Variants in LRBA observed in about 807,000 individuals in gnomAD.
LRBA encodes LPS responsive beige-like anchor protein, also known as lipopolysaccharide-responsive and beige-like anchor protein.
A neutral mutation model predicts 330.0 loss-of-function variants in LRBA; 176 were observed. The ratio of observed to expected loss-of-function variants is 0.53; its 90% confidence interval spans 0.47 to 0.60. The LOEUF is 0.60. Ranked by LOEUF, LRBA falls within the 20% of genes least tolerant of loss-of-function variation. The pLI is 0.00. For missense variants in LRBA, 3,259 were observed against 3,444.8 expected, an observed-to-expected ratio of 0.95 and a Z score of 1.35; for synonymous variants, 1,230 against 1,193.0, an observed-to-expected ratio of 1.03 and a Z score of -0.64.
rs1208533383 is a variant in LRBA at position 150,719,380 on chromosome 4, A to G, written c.5754+15878T>C. Among the ~76,000 whole-genome samples, 3 of 152,118 alleles carry G rather than the reference A, an allele frequency of 2.0e-5. No individual in the cohort carries two copies. In the East Asian group the frequency reaches 5.8e-4, roughly 29 times the overall value. On this transcript the variant is annotated intron_variant, in intron 36 of 56. Coordinates refer to ENST00000651943, the MANE Select transcript of LRBA (RefSeq NM_001364905.1). Reference sequence around the variant, plus strand: ...TAGTTACAACAAAGAAAGCATCTCCATAATTAATTAGAAAGTACACTAAGA... The same window carrying G: ...TAGTTACAACAAAGAAAGCATCTCCGTAATTAATTAGAAAGTACACTAAGA...
chr4:150,694,913 C>CT (rs902076458), intron 36 of LRBA, among the ~76,000 whole-genome samples: 15 of 150,856 alleles, frequency 9.9e-5, no homozygotes, highest in Admixed American at 2.0e-4. Flanking sequence ...GTTTCAAATG[C>CT]TTTTTTTTTC....
chr4:150,321,443 GA>G lies in LRBA; in HGVS notation c.7453-76del. The G allele has an allele frequency of 7.9e-7, 1 of 1,265,494 alleles. No homozygotes were observed. The highest frequency in any genetic ancestry group is 1.1e-6 in the Non-Finnish European group (1 of 929,094). 78.4% of individuals were successfully genotyped at this position (1,265,494 alleles called of 1,614,324 possible). A position where few individuals can be genotyped will look rare whatever the true frequency, so the allele number is the denominator to read the frequency against. ...AGAAGGAAAAGATGAAGAAAGACAA[GA>G]AAGAGAGGGGGTGCAGGAAAAGAAG... On this transcript the variant is annotated intron_variant, in intron 49 of 56. Transcript: ENST00000651943. The surrounding 1 kb of genome is among the most constrained non-coding windows in gnomAD (Gnocchi z 4.5).
chr4:150,670,182 T>C (rs973059756), intron 37 of LRBA, among the ~76,000 whole-genome samples: 1 of 152,238 alleles, frequency 6.6e-6, no homozygotes, highest in Non-Finnish European at 1.5e-5. Context: ...CTAAACTGTA[T>C]TGTATTGTAC....
intron 34 of LRBA, among the ~76,000 whole-genome samples, chr4:150,766,077 T>C (rs996668640): frequency 1.4e-4 from 22 of 152,062 alleles, no homozygotes; most frequent in African/African-American, 4.6e-4. Flanking sequence ...TAGTAATACA[T>C]TATGCTTCTG....
rs1237654977 is a variant in LRBA, at chr4:150,530,573, GT to G, written c.6331-39539del. On this transcript the variant is annotated intron_variant, in intron 40 of 56. Coordinates refer to ENST00000651943, the MANE Select transcript of LRBA (RefSeq NM_001364905.1). ...ATAATTATGTGTTATATTTTGCACT[GT>G]TTCCAAAAGTTATCCTGTAGGATTA... Among the ~76,000 whole-genome samples, 12 of 152,274 alleles carry G rather than the reference GT, an allele frequency of 7.9e-5. No homozygotes were observed. In the East Asian group the frequency reaches 2.3e-3, roughly 29 times the overall value.
At chr4:150,421,555 T>C (rs1748802196) in intron 46 of LRBA, among the ~76,000 whole-genome samples, 1 of 152,136 alleles carries the variant, frequency 6.6e-6, no homozygotes, top group Non-Finnish European at 1.5e-5. Context: ...TTAGTTCTTA[T>C]TCTTTTTTTG....
At chr4:150,670,999 G>GAT (rs1381566947) in intron 37 of LRBA, among the ~76,000 whole-genome samples, 2 of 67,720 alleles carry the variant, frequency 3.0e-5, no homozygotes, top group Non-Finnish European at 5.9e-5. Context: ...CAACATAGCT[G>GAT]ATGTGTGTGT....
At chr4:150,789,849 T>C (rs565246961) in intron 34 of LRBA, among the ~76,000 whole-genome samples, 18 of 152,280 alleles carry the variant, frequency 1.2e-4, no homozygotes, top group African/African-American at 4.3e-4. Flanking sequence ...CTGATCTGTA[T>C]TCTTTTTTTT....
At chr4:150,618,511 T>C (rs576500533) in intron 37 of LRBA, among the ~76,000 whole-genome samples, 1 of 152,302 alleles carries the variant, frequency 6.6e-6, no homozygotes, top group East Asian at 1.9e-4. Context: ...AGCTCTTCTC[T>C]TTCAACTCCT....
At chr4:150,361,958 G>C (rs1425095705) in intron 47 of LRBA, among the ~76,000 whole-genome samples, 1 of 151,976 alleles carries the variant, frequency 6.6e-6, no homozygotes, top group Non-Finnish European at 1.5e-5. Context: ...TTTTTTAGTA[G>C]AGACGGGGTT....
In LRBA at chr4:150,326,669, A is replaced by G. The variant is rs529712747; in HGVS notation, c.7363-771T>C. Among the ~76,000 whole-genome samples the G allele has an allele frequency of 6.6e-5, 10 of 152,314 alleles. No homozygotes were observed. The East Asian group carries it at 1.4e-3, about 21-fold the overall frequency. ...CTGTAAGCATTGTGTTTACTTGTTT[A>G]TATCTGTTTCTTCCCAGTAAAATAC... On this transcript the variant is annotated intron_variant, in intron 48 of 56. Coordinates refer to ENST00000651943, the MANE Select transcript of LRBA (RefSeq NM_001364905.1).
At chr4:150,313,079 T>C (rs1731266634) in intron 51 of LRBA, among the ~76,000 whole-genome samples, 1 of 152,100 alleles carries the variant, frequency 6.6e-6, no homozygotes, top group African/African-American at 2.4e-5. Flanking sequence ...AAATTTAAAT[T>C]GAACACATAT....
At chr4:150,853,431 T>A (rs1750855733) in intron 22 of LRBA, among the ~76,000 whole-genome samples, 2 of 152,126 alleles carry the variant, frequency 1.3e-5, no homozygotes, top group Admixed American at 6.5e-5. Context: ...AAAACCATTA[T>A]CTCACTAAGC....
intron 37 of LRBA, among the ~76,000 whole-genome samples, chr4:150,639,373 GA>G (rs1428774639): frequency 0.031 from 2,476 of 79,306 alleles, 88 homozygotes; most frequent in African/African-American, 0.081. Context: ...AAAAAAAAAA[GA>G]AAAAAAAAAA....
intron 2 of LRBA, among the ~76,000 whole-genome samples, chr4:150,944,502 C>T (rs1226465441): frequency 6.6e-6 from 1 of 152,008 alleles, no homozygotes; most frequent in Non-Finnish European, 1.5e-5. Context: ...GTGACAGTTA[C>T]TGCAGACTGG....
At chr4:150,952,708 A>G (rs1736979584) in intron 2 of LRBA, among the ~76,000 whole-genome samples, 1 of 151,888 alleles carries the variant, frequency 6.6e-6, no homozygotes, top group Admixed American at 6.6e-5. Flanking sequence ...GGTTCTTGGT[A>G]TCTGCATATC....
chr4:150,822,710 C>T (rs1745634863), intron 30 of LRBA, among the ~76,000 whole-genome samples: 1 of 152,120 alleles, frequency 6.6e-6, no homozygotes, highest in South Asian at 2.1e-4. Flanking sequence ...GCTATGACTG[C>T]CACTGCACTC....
intron 8 of LRBA, among the ~76,000 whole-genome samples, chr4:150,915,139 A>C (rs1165287821): frequency 6.6e-6 from 1 of 152,130 alleles, no homozygotes; most frequent in East Asian, 1.9e-4. Context: ...GTATTTTTCA[A>C]GTTTTTATAA....
chr4:150,370,267 A>C (rs895913134), intron 47 of LRBA, among the ~76,000 whole-genome samples: 4 of 152,226 alleles, frequency 2.6e-5, no homozygotes, highest in Non-Finnish European at 2.9e-5. Flanking sequence ...ACAATTGCCA[A>C]AAGTTGGAAA....
Sources: allele counts gnomAD v4.1 joint callset (sites outside exome capture counted in the v4.1 genomes callset), GRCh38; gene constraint gnomAD v4.1.1; non-coding constraint Gnocchi (gnomAD v3.1); transcripts MANE v1.5; gene names NCBI Gene and HGNC (gene_info 2026-07-23, HGNC 2026-07-21).